Variants in ERICH3 observed in about 807,000 individuals in gnomAD.
ERICH3 encodes glutamate rich 3, also known as glutamate-rich protein 3.
In ERICH3, 126 loss-of-function variants were observed where a neutral mutation model predicts 131.1. The ratio of observed to expected loss-of-function variants is 0.96; its 90% confidence interval spans 0.83 to 1.11. The LOEUF is 1.11. Ranked by LOEUF, ERICH3 falls within the 50% of genes most tolerant of loss-of-function variation. The probability of loss-of-function intolerance (pLI) is 0.00; values close to 1 mark genes in which losing one functional copy is unlikely to be tolerated. For synonymous variants in ERICH3, 695 were observed against 644.6 expected (o/e 1.08, Z -1.18); for missense variants, 2,050 against 1,810.7 (o/e 1.13, Z -2.40).
chr1:74,663,973 G>T (rs76328287), intron 1 of ERICH3, among the ~76,000 whole-genome samples: 3,653 of 152,160 alleles, frequency 0.024, 156 homozygotes, highest in African/African-American at 0.083. Context: ...AGAACCCAAA[G>T]ATGTAGACAG....
intron 1 of ERICH3, among the ~76,000 whole-genome samples, chr1:74,663,209 T>C (rs975219403): frequency 6.6e-6 from 1 of 152,166 alleles, no homozygotes; most frequent in African/African-American, 2.4e-5. Flanking sequence ...ACATATACTA[T>C]GTGTCAGGCC....
chr1:74,573,234 T>C lies in ERICH3; in HGVS notation c.2476A>G (p.Thr826Ala), dbSNP rs1270665623. Residue 826 changes from threonine (T) to alanine (A), a missense_variant, in exon 14 of 15, where the codon ACA becomes GCA. Coordinates refer to ENST00000326665, the MANE Select transcript of ERICH3 (RefSeq NM_001002912.5). ...AEQPELAEEF[T>A]EKREIPPGIE... is the part of the protein sequence containing the mutation. ...CCTGGAGGGATCTCCCTTTTTTCTG[T>C]AAACTCTTCTGCCAATTCTGGCTGC... 1 of 1,606,850 alleles carries C rather than the reference T, an allele frequency of 6.2e-7. No individual in the cohort carries two copies. The highest frequency in any genetic ancestry group is 1.7e-5 in the Admixed American group (1 of 58,914).
At chr1:74,652,731 G>A (rs560796199) in intron 1 of ERICH3, among the ~76,000 whole-genome samples, 213 of 152,072 alleles carry the variant, frequency 1.4e-3, no homozygotes, top group Middle Eastern at 6.8e-3. Context: ...GATTCCGTTG[G>A]TCACAGCAAG....
Position 74,571,577 on chromosome 1 carries a change from A to G in ERICH3, c.4133T>C (p.Phe1378Ser), listed in dbSNP as rs2100499444. The G allele has an allele frequency of 1.9e-6, 3 of 1,614,020 alleles. No individual in the cohort carries two copies. In the South Asian group the frequency reaches 3.3e-5, roughly 18 times the overall value. The change falls in exon 14 of 15, where the codon TTT becomes TCT. Residue 1378 changes from phenylalanine (F) to serine (S), a missense_variant. Phe to Ser is a radical substitution (Grantham distance 155). Transcript: ENST00000326665. ...GGTTTCTTCCTCAGCAACATCTGAA[A>G]AGGAGGAGGCTTTATTTGCTATTGT... Reference protein sequence around the residue: ...EKTIANKASSFSDVAEEETWH... With the variant: ...EKTIANKASSSSDVAEEETWH...
chr1:74,611,455 C>T (rs531933493), intron 9 of ERICH3, among the ~76,000 whole-genome samples: 3 of 152,236 alleles, frequency 2.0e-5, no homozygotes, highest in East Asian at 1.9e-4. Flanking sequence ...TCCCCACACA[C>T]CCTTGTTTAT....
Position 74,589,715 on chromosome 1 carries a change from C to A in ERICH3, c.2092G>T (p.Glu698Ter). The A allele has an allele frequency of 1.2e-6, 2 of 1,613,576 alleles. No individual in the cohort carries two copies. The highest frequency in any genetic ancestry group is 1.7e-6 in the Non-Finnish European group (2 of 1,179,974). Residue 698 changes from glutamate to a stop codon, truncating the protein, a stop_gained, in exon 12 of 15, where the codon GAA (glutamate) becomes TAA (stop). Coordinates refer to ENST00000326665, the MANE Select transcript of ERICH3 (RefSeq NM_001002912.5). LOFTEE classifies it high-confidence loss of function. ...TCCCAAAGCTTACTCTTATCCTTTT[C>A]CTTTTCTTCTGCAGAAACATGTTTC... ...SGKHVSAEEKEKDKSKLWEES... is the reference protein window; with the variant it reads ...SGKHVSAEEK
At chr1:74,636,968 GC>G (rs774209722) in intron 5 of ERICH3, among the ~76,000 whole-genome samples, 2 of 152,096 alleles carry the variant, frequency 1.3e-5, no homozygotes, top group Non-Finnish European at 2.9e-5. Context: ...TTATTCAATG[GC>G]ATCCTTGAAA....
chr1:74,617,891 A>G (rs75938592), intron 8 of ERICH3, among the ~76,000 whole-genome samples: 4,266 of 152,264 alleles, frequency 0.028, 201 homozygotes, highest in African/African-American at 0.098. Context: ...AAAGTCAATG[A>G]TAAAAGAAAA....
At position 74,599,897 on chromosome 1, in the gene ERICH3, T is replaced by C. The variant is rs1472365296; in HGVS notation, c.1524A>G (p.Lys508=). The change falls in exon 11 of 15, where the codon AAA becomes AAG. Residue 508 remains lysine, a synonymous_variant. Transcript: ENST00000326665. The part of the protein sequence containing the change: ...YEEDFEVDEE[K]QGEKSNEEGQ... ...CTTCTTCATTAGATTTTTCACCTTG[T>C]TTCTCCTCATCTACTTCAAAGTCTT... 2 of 1,611,516 alleles carry C rather than the reference T, an allele frequency of 1.2e-6. No individual in the cohort carries two copies. Among genetic ancestry groups the C allele is most frequent in the Non-Finnish European group, 1.7e-6 (2 of 1,178,652 alleles).
chr1:74,629,459 A>G (rs1026754003), intron 7 of ERICH3, among the ~76,000 whole-genome samples: 4 of 152,160 alleles, frequency 2.6e-5, no homozygotes, highest in African/African-American at 9.7e-5. Context: ...CAAAGCCAGC[A>G]TGCCTGATGA....
At chr1:74,620,952 A>G (rs776059020) in intron 7 of ERICH3, 38 bp from the exon 8 acceptor site, 17 of 1,446,526 alleles carry the variant, frequency 1.2e-5, no homozygotes, top group Non-Finnish European at 1.6e-5. Flanking sequence ...TTAACGAATT[A>G]CTTTCTAATG....
intron 4 of ERICH3, among the ~76,000 whole-genome samples, chr1:74,642,441 C>A (rs1489921601): frequency 6.6e-6 from 1 of 152,072 alleles, no homozygotes; most frequent in Non-Finnish European, 1.5e-5. Flanking sequence ...AAATGGAAAT[C>A]TTGAATTTAA....
At position 74,571,491 on chromosome 1, in the gene ERICH3, C is replaced by T. The variant is rs1226872584; in HGVS notation, c.4219G>A (p.Glu1407Lys). 1.2e-6 allele frequency: 2 copies of T among 1,614,022 alleles called. No individual in the cohort carries two copies. Among genetic ancestry groups the T allele is most frequent in the Non-Finnish European group, 1.7e-6 (2 of 1,180,022 alleles). The change falls in exon 14 of 15, where the codon GAA (glutamate) becomes AAA (lysine). Residue 1407 changes from glutamate (E) to lysine (K), a missense_variant. By Grantham distance (56) the Glu-to-Lys change is moderately conservative. Coordinates refer to ENST00000326665, the MANE Select transcript of ERICH3 (RefSeq NM_001002912.5). ...ACTTCCTCCCCACTCCGTGCTAATT[C>T]CTCTACCACCACCTTCCCTGCAGCT... ...TAAAGKVVVEELARSGEEVPA... is the reference protein window; with the variant it reads ...TAAAGKVVVEKLARSGEEVPA...
At chr1:74,662,592 T>G (rs1363823662) in intron 1 of ERICH3, among the ~76,000 whole-genome samples, 3 of 152,176 alleles carry the variant, frequency 2.0e-5, no homozygotes, top group Non-Finnish European at 4.4e-5. Context: ...TAATTTGGTA[T>G]GTACAGTTAG....
intron 7 of ERICH3, chr1:74,624,445 G>A (rs984346409): frequency 4.6e-5 from 7 of 152,204 alleles, no homozygotes; most frequent in Non-Finnish European, 2.9e-5. Flanking sequence ...CATTACACAT[G>A]TTCTTCCCTT....
At chr1:74,614,367 TAAAAAAAAAAAA>T (rs58516429) in intron 8 of ERICH3, among the ~76,000 whole-genome samples, 2 of 114,950 alleles carry the variant, frequency 1.7e-5, no homozygotes, top group African/African-American at 6.5e-5. Flanking sequence ...ATTTTTTCCC[TAAAAAAAAAAAA>T]AAAAAAAAAA....
Position 74,612,736 on chromosome 1 carries a change from C to A in ERICH3, c.1074G>T (p.Gln358His), listed in dbSNP as rs1412338856. The A allele has an allele frequency of 3.7e-6, 6 of 1,604,096 alleles. No homozygotes were observed. The highest frequency in any genetic ancestry group is 3.4e-6 in the Non-Finnish European group (4 of 1,172,344). Reference protein sequence around the residue: ...FSLTFFLNGMQVNRLSSCCEY... With the variant: ...FSLTFFLNGMHVNRLSSCCEY... ...CACAACAGGAGCTTAACCTGTTCAC[C>A]TGCATCCCATTCAGGAAAAAGGTGA... Residue 358 changes from glutamine (Q) to histidine (H), a missense_variant, in exon 9 of 15, where the codon CAG becomes CAT. Gln to His is a conservative substitution (Grantham distance 24). Coordinates refer to ENST00000326665, the MANE Select transcript of ERICH3 (RefSeq NM_001002912.5).
intron 7 of ERICH3, chr1:74,625,737 T>G (rs1375435704): frequency 1.3e-5 from 2 of 152,154 alleles, no homozygotes; most frequent in Non-Finnish European, 2.9e-5. Context: ...TGAGCTATAT[T>G]CTCATTTAGA....
intron 1 of ERICH3, among the ~76,000 whole-genome samples, chr1:74,672,958 A>C (rs1016035681): frequency 3.9e-5 from 6 of 152,074 alleles, no homozygotes; most frequent in African/African-American, 1.4e-4. Flanking sequence ...CCTTTATTAA[A>C]ATACTTTTTA....
Sources: allele counts gnomAD v4.1 joint callset (sites outside exome capture counted in the v4.1 genomes callset), GRCh38; gene constraint gnomAD v4.1.1; transcripts MANE v1.5; gene names NCBI Gene and HGNC (gene_info 2026-07-23, HGNC 2026-07-21).